Variants in SNAP91 observed in about 807,000 individuals in gnomAD.
SNAP91 encodes the protein synaptosome associated protein 91.
Under a neutral mutation model 100.3 loss-of-function variants are expected in SNAP91, and 27 were observed. That is an observed-to-expected ratio of 0.27 (90% CI 0.20 to 0.37). SNAP91 has a LOEUF of 0.37. SNAP91 is among the 10% of genes least tolerant of loss of function. The pLI, the probability that SNAP91 is intolerant of heterozygous loss-of-function variation, is 1.00. For synonymous variants in SNAP91, 404 were observed against 398.6 expected (o/e 1.01, Z -0.16); for missense variants, 986 against 1,123.7 (o/e 0.88, Z 1.75).
chr6:83,570,965 G>C (rs1584506608), intron 26 of SNAP91, among the ~76,000 whole-genome samples: 1 of 152,084 alleles, frequency 6.6e-6, no homozygotes, highest in Non-Finnish European at 1.5e-5. Context: ...CCAGACCCCA[G>C]AGTGGTAGCT....
intron 26 of SNAP91, among the ~76,000 whole-genome samples, chr6:83,571,246 A>G (rs1807070651): frequency 6.6e-6 from 1 of 152,162 alleles, no homozygotes. Flanking sequence ...CTGGGACTAC[A>G]GGCATGTGCC....
In SNAP91 at chr6:83,556,201, AG is replaced by A; in HGVS notation, c.2675del (p.Pro892LeufsTer7). 6.4e-7 allele frequency: 1 copy of A among 1,571,650 alleles called. No individual in the cohort carries two copies. The highest frequency in any genetic ancestry group is 8.6e-7 in the Non-Finnish European group (1 of 1,158,178). On this transcript the variant is annotated frameshift_variant, in exon 29 of 30. Coordinates refer to ENST00000369694, the MANE Select transcript of SNAP91 (RefSeq NM_001242792.2). LOFTEE classifies it high-confidence loss of function. ...GATCCGCTAATGGGTCCTTTGCTGG[AG>A]GTTTCTTGGGACTCTGACTGGCAGG... ...PTPASQSPKK[P>X]PAKDPLADLN...
At chr6:83,608,279 C>A (rs578027839) in intron 12 of SNAP91, among the ~76,000 whole-genome samples, 9 of 152,210 alleles carry the variant, frequency 5.9e-5, no homozygotes, top group Non-Finnish European at 7.4e-5. Context: ...AAATAGTTCA[C>A]AGTTGGAAGA....
At chr6:83,596,792 G>A (rs1466848868) in intron 16 of SNAP91, among the ~76,000 whole-genome samples, 4 of 151,966 alleles carry the variant, frequency 2.6e-5, no homozygotes, top group Admixed American at 2.0e-4. Context: ...GATGACTAAA[G>A]TTACACAGCA....
intron 26 of SNAP91, among the ~76,000 whole-genome samples, chr6:83,565,040 A>C (rs1278892186): frequency 6.6e-6 from 1 of 151,030 alleles, no homozygotes; most frequent in Non-Finnish European, 1.5e-5. Context: ...GAATATTTAA[A>C]GATCTCTTTC....
Position 83,553,289 on chromosome 6 carries a change from A to T in SNAP91, c.*1007T>A, listed in dbSNP as rs1773595268. On this transcript the variant is annotated 3_prime_UTR_variant, in exon 30 of 30. Coordinates refer to ENST00000369694, the MANE Select transcript of SNAP91 (RefSeq NM_001242792.2). ...CTGAATTAGTTTAAATCCTAATCAC[A>T]ATGTTACAACAAAACCTACTTTGAG... 6.6e-6 allele frequency: 1 copy of T among 152,504 alleles called. No individual in the cohort carries two copies. Among genetic ancestry groups the T allele is most frequent in the Non-Finnish European group, 1.5e-5 (1 of 68,044 alleles). 9.4% of individuals were successfully genotyped at this position (152,504 alleles called of 1,614,324 possible).
intron 7 of SNAP91, among the ~76,000 whole-genome samples, chr6:83,655,225 A>G (rs1243781781): frequency 1.3e-5 from 2 of 152,194 alleles, no homozygotes; most frequent in African/African-American, 4.8e-5. Context: ...GAAATTTTGT[A>G]CCTTGCACTC....
intron 26 of SNAP91, among the ~76,000 whole-genome samples, chr6:83,569,981 A>T (rs530738081): frequency 1.3e-5 from 2 of 152,224 alleles, no homozygotes; most frequent in East Asian, 3.9e-4. Flanking sequence ...CTAATATGGT[A>T]AAAATGGTAT....
intron 11 of SNAP91, among the ~76,000 whole-genome samples, chr6:83,613,378 A>G (rs571714597): frequency 1.3e-5 from 2 of 152,342 alleles, no homozygotes; most frequent in East Asian, 3.9e-4. Context: ...TTCATTCTAT[A>G]ATCAATAAAT....
At chr6:83,680,111 A>G (rs2098967074) in intron 2 of SNAP91, among the ~76,000 whole-genome samples, 1 of 152,114 alleles carries the variant, frequency 6.6e-6, no homozygotes, top group Non-Finnish European at 1.5e-5. Context: ...CAGATAATTT[A>G]TGCCAAATAA....
intron 2 of SNAP91, among the ~76,000 whole-genome samples, chr6:83,677,871 G>C (rs1478022466): frequency 3.9e-5 from 6 of 152,166 alleles, no homozygotes; most frequent in Admixed American, 3.9e-4. Context: ...TCATTCTATA[G>C]AGGTGGAAGA....
intron 2 of SNAP91, among the ~76,000 whole-genome samples, chr6:83,704,447 T>C (rs1460062060): frequency 6.6e-6 from 1 of 152,126 alleles, no homozygotes; most frequent in Non-Finnish European, 1.5e-5. Context: ...TGGGAATAAA[T>C]GTATATAGTT....
intron 7 of SNAP91, among the ~76,000 whole-genome samples, chr6:83,644,192 C>A (rs1332262379): frequency 6.6e-6 from 1 of 152,098 alleles, no homozygotes; most frequent in South Asian, 2.1e-4. Context: ...GAACCAGTGA[C>A]CAAAATTTTA....
chr6:83,689,703 GA>G (rs1259912654), intron 2 of SNAP91: 3 of 151,934 alleles, frequency 2.0e-5, no homozygotes, highest in East Asian at 1.9e-4. Flanking sequence ...CACGCATTTA[GA>G]AAAAAATTCA....
At chr6:83,664,594 T>G (rs2098639540) in intron 3 of SNAP91, among the ~76,000 whole-genome samples, 1 of 152,140 alleles carries the variant, frequency 6.6e-6, no homozygotes, top group South Asian at 2.1e-4. Flanking sequence ...TGATAAAATT[T>G]GAATGGATGA....
At chr6:83,610,080 A>G (rs1463785152) in intron 12 of SNAP91, among the ~76,000 whole-genome samples, 1 of 152,168 alleles carries the variant, frequency 6.6e-6, no homozygotes, top group East Asian at 1.9e-4. Flanking sequence ...TAGAATTACC[A>G]TATGACCCAG....
chr6:83,652,444 A>G (rs949965213), intron 7 of SNAP91, among the ~76,000 whole-genome samples: 6 of 152,146 alleles, frequency 3.9e-5, no homozygotes, highest in Non-Finnish European at 8.8e-5. Context: ...CCACTTTCAA[A>G]TAACACCATA....
intron 2 of SNAP91, among the ~76,000 whole-genome samples, chr6:83,666,096 AAG>A (rs1274791379): frequency 6.6e-6 from 1 of 152,126 alleles, no homozygotes; most frequent in African/African-American, 2.4e-5. Context: ...CAAATATTAA[AAG>A]AGAAAAGAAT....
At chr6:83,695,808 CA>C (rs2099200649) in intron 2 of SNAP91, among the ~76,000 whole-genome samples, 1 of 151,964 alleles carries the variant, frequency 6.6e-6, no homozygotes, top group East Asian at 1.9e-4. Context: ...ATTTCTATTC[CA>C]TTAAGATATA....
Sources: allele counts gnomAD v4.1 joint callset (sites outside exome capture counted in the v4.1 genomes callset), GRCh38; gene constraint gnomAD v4.1.1; transcripts MANE v1.5; gene names NCBI Gene and HGNC (gene_info 2026-07-23, HGNC 2026-07-21).